DDR2: variants seen among roughly 807,000 people sequenced by gnomAD.
DDR2 encodes discoidin domain-containing receptor 2.
Under a neutral mutation model 94.9 loss-of-function variants are expected in DDR2, and 27 were observed. The observed-to-expected ratio is 0.28, with a 90% CI of 0.21 to 0.39. The LOEUF (loss-of-function observed/expected upper bound fraction) is 0.39, where lower values mean the gene tolerates loss of function less well. DDR2 is among the 10% of genes least tolerant of loss of function. The pLI, the probability that DDR2 is intolerant of heterozygous loss-of-function variation, is 1.00. For missense variants in DDR2, 783 were observed against 1,076.0 expected, an observed-to-expected ratio of 0.73 and a Z score of 3.81; for synonymous variants, 382 against 377.2, an observed-to-expected ratio of 1.01 and a Z score of -0.15.
chr1:162,662,499 T>C (rs1375900711), intron 2 of DDR2, among the ~76,000 whole-genome samples: 2 of 152,202 alleles, frequency 1.3e-5, no homozygotes, highest in African/African-American at 4.8e-5. Context: ...ATTATCCATT[T>C]GCAGTCTGTC....
intron 9 of DDR2, 44 bp from the exon 10 acceptor site, chr1:162,765,957 G>A (rs371105368): frequency 1.9e-6 from 3 of 1,592,494 alleles, no homozygotes. Context: ...AACACTAGCT[G>A]TCTGTCTTCT....
chr1:162,682,195 G>C (rs1442751042), intron 2 of DDR2, among the ~76,000 whole-genome samples: 1 of 152,096 alleles, frequency 6.6e-6, no homozygotes, highest in Non-Finnish European at 1.5e-5. Flanking sequence ...ACTGGAGCTG[G>C]ACACTGCTGC....
intron 2 of DDR2, among the ~76,000 whole-genome samples, chr1:162,700,681 T>C (rs1660392508): frequency 6.6e-6 from 1 of 152,128 alleles, no homozygotes; most frequent in Admixed American, 6.5e-5. Flanking sequence ...GTAACCAAAA[T>C]TTTGGAAGCA....
chr1:162,778,556 C>T (rs1178248152), intron 16 of DDR2, 24 bp from the exon 17 acceptor site: 11 of 1,613,766 alleles, frequency 6.8e-6, no homozygotes, highest in Non-Finnish European at 8.5e-6. Flanking sequence ...TTCTGATTTC[C>T]CATTCTTTTC....
At chr1:162,776,469 A>C (rs1447666627) in intron 16 of DDR2, 99 bp downstream of exon 16, 2 of 1,026,768 alleles carry the variant, frequency 1.9e-6, no homozygotes, top group Non-Finnish European at 3.0e-6. Flanking sequence ...AGGCAAACTC[A>C]ATAGACTGTA....
rs34938100 is a variant in DDR2 at position 162,648,057 on chromosome 1, C to CTT, written c.-191-7141_-191-7140dup. Among the ~76,000 whole-genome samples the CTT allele has an allele frequency of 2.0e-3, 280 of 142,648 alleles. 5 individuals are homozygous for CTT. The East Asian group carries it at 0.044, about 22-fold the overall frequency. 93.6% of individuals were successfully genotyped at this position (142,648 alleles called of 152,430 possible). On this transcript the variant is annotated intron_variant, in intron 1 of 17. Transcript: ENST00000367921. Reference sequence around the variant, plus strand: ...CCTGTATTTAGCAAGAGGTTTTTTCCTTTTTTTTTTTTTTGAGTACTTACT... The same window carrying CTT: ...CCTGTATTTAGCAAGAGGTTTTTTCCTTTTTTTTTTTTTTTTGAGTACTTACT...
chr1:162,750,997 A>G (rs915715412), intron 3 of DDR2, among the ~76,000 whole-genome samples: 1 of 152,234 alleles, frequency 6.6e-6, no homozygotes, highest in African/African-American at 2.4e-5. Context: ...AAATTAATTC[A>G]AGATGGATCA....
intron 7 of DDR2, among the ~76,000 whole-genome samples, chr1:162,756,709 C>T (rs1447950373): frequency 6.6e-6 from 1 of 152,168 alleles, no homozygotes; most frequent in Non-Finnish European, 1.5e-5. Flanking sequence ...AACTATTGCC[C>T]TCTAGCTGCC....
rs1385487589 is a variant in DDR2, at chr1:162,775,699, C to G, written c.1904C>G (p.Pro635Arg). The G allele has an allele frequency of 6.2e-7, 1 of 1,614,132 alleles. No individual in the cohort carries two copies. The highest frequency in any genetic ancestry group is 8.5e-7 in the Non-Finnish European group (1 of 1,180,012). ...AAGATCATGTCTCGGCTCAAGGACC[C>G]AAACATCATCCATCTATTAGCTGTG... ...EIKIMSRLKD[P>R]NIIHLLAVCI... The change falls in exon 15 of 18, where the codon CCA becomes CGA. Residue 635 changes from proline to arginine, a missense_variant. Around this residue, in one of 2 missense-constraint regions of DDR2, gnomAD observed 264 missense variants for 428.2 expected, o/e 0.62. Coordinates refer to ENST00000367921, the MANE Select transcript of DDR2 (RefSeq NM_006182.4).
At chr1:162,773,734 T>G in intron 14 of DDR2, 138 bp downstream of exon 14, 1 of 1,195,252 alleles carries the variant, frequency 8.4e-7, no homozygotes, top group Non-Finnish European at 1.2e-6. Context: ...TGTTATCCTT[T>G]TTCTTATTCC....
At chr1:162,691,198 A>G (rs1659947262) in intron 2 of DDR2, among the ~76,000 whole-genome samples, 1 of 152,106 alleles carries the variant, frequency 6.6e-6, no homozygotes, top group African/African-American at 2.4e-5. Flanking sequence ...CTGGGCTGCT[A>G]TTACTCTGTG....
At chr1:162,634,332 T>C (rs1227376887) in intron 1 of DDR2, among the ~76,000 whole-genome samples, 1 of 152,262 alleles carries the variant, frequency 6.6e-6, no homozygotes, top group African/African-American at 2.4e-5. Flanking sequence ...TTTGCCTTTC[T>C]GCACCTTGAC....
intron 2 of DDR2, among the ~76,000 whole-genome samples, chr1:162,707,101 C>G (rs570790594): frequency 6.6e-4 from 100 of 152,236 alleles, no homozygotes; most frequent in African/African-American, 2.2e-3. Context: ...GCAGGAACTC[C>G]TGGGCCATAT....
chr1:162,755,875 T>C (rs1165812569), intron 7 of DDR2, 106 bp downstream of exon 7: 3 of 968,264 alleles, frequency 3.1e-6, no homozygotes, highest in Non-Finnish European at 4.9e-6. Flanking sequence ...AGTATTTATT[T>C]AGTTCTTGTA....
rs1027311926 is a variant in DDR2 at position 162,761,593 on chromosome 1, C to G, written c.1099+139C>G. On this transcript the variant is annotated intron_variant, in intron 9 of 17. Transcript: ENST00000367921. ...CTTCTCATTGACGGATACGGTGAAT[C>G]CTTTGTGTGACTAGTTTTAACTGTG... 29 of 1,379,428 alleles carry G rather than the reference C, an allele frequency of 2.1e-5. No individual in the cohort carries two copies. In the African/African-American group the frequency reaches 3.3e-4, roughly 16 times the overall value. The allele number at this position is 1,379,428 out of a possible 1,614,324, so 85.4% of individuals were successfully genotyped here. A position where few individuals can be genotyped will look rare whatever the true frequency, so the allele number is the denominator to read the frequency against.
At chr1:162,764,617 A>G (rs1449997241) in intron 9 of DDR2, among the ~76,000 whole-genome samples, 1 of 152,052 alleles carries the variant, frequency 6.6e-6, no homozygotes, top group Non-Finnish European at 1.5e-5. Context: ...GCTTGTATTC[A>G]AGAGTTTGAG....
intron 3 of DDR2, among the ~76,000 whole-genome samples, chr1:162,742,853 TGAA>T (rs892135967): frequency 1.5e-4 from 23 of 152,072 alleles, no homozygotes; most frequent in East Asian, 5.8e-4. Context: ...CAAGAGAAAA[TGAA>T]GAAGAAGCAA....
At chr1:162,745,793 T>C (rs1662829923) in intron 3 of DDR2, among the ~76,000 whole-genome samples, 1 of 152,256 alleles carries the variant, frequency 6.6e-6, no homozygotes, top group African/African-American at 2.4e-5. Context: ...CTTTGGATAT[T>C]TTGAAACTTT....
At chr1:162,653,690 T>C (rs1657815924) in intron 1 of DDR2, among the ~76,000 whole-genome samples, 1 of 152,152 alleles carries the variant, frequency 6.6e-6, no homozygotes. Flanking sequence ...AGGCTGGTTG[T>C]TGTAAACATT....
Sources: allele counts gnomAD v4.1 joint callset (sites outside exome capture counted in the v4.1 genomes callset), GRCh38; gene constraint gnomAD v4.1.1; regional missense constraint gnomAD v4.1.1; transcripts MANE v1.5; gene names NCBI Gene and HGNC (gene_info 2026-07-23, HGNC 2026-07-21).